C12orf76: variants seen among roughly 807,000 people sequenced by gnomAD.
C12orf76 encodes the protein uncharacterized protein C12orf76.
Under a neutral mutation model 6.8 loss-of-function variants are expected in C12orf76, and 6 were observed. The ratio of observed to expected loss-of-function variants is 0.88; its 90% confidence interval spans 0.48 to 1.73. C12orf76 has a LOEUF of 1.73. Among genes scored for constraint, C12orf76 ranks in the 40% most tolerant of loss-of-function variants. The pLI, the probability that C12orf76 is intolerant of heterozygous loss-of-function variation, is 0.01. For missense variants in C12orf76, 99 were observed against 98.2 expected, an observed-to-expected ratio of 1.01 and a Z score of -0.03; for synonymous variants, 56 against 43.7, an observed-to-expected ratio of 1.28 and a Z score of -1.11.
chr12:110,057,186 T>A (rs1892684380), intron 4 of C12orf76: 1 of 1,605,416 alleles, frequency 6.2e-7, no homozygotes, highest in Admixed American at 1.7e-5. Context: ...TTCGCAGACT[T>A]ACCTTGGCAT....
At chr12:110,068,579 G>A (rs1054388241), upstream of C12orf76, among the ~76,000 whole-genome samples, 1 of 152,190 alleles carries the variant, frequency 6.6e-6, no homozygotes, top group Non-Finnish European at 1.5e-5. Flanking sequence ...AACCTGCAAC[G>A]CTAACTCCTC....
chr12:110,070,009 G>A (rs1320493292), upstream of C12orf76, among the ~76,000 whole-genome samples: 7 of 152,126 alleles, frequency 4.6e-5, no homozygotes, highest in Non-Finnish European at 7.3e-5. Flanking sequence ...AGCACTTTGG[G>A]AGGCCAAGAT....
At chr12:110,043,709 G>A (rs1162882153) in intron 1 of C12orf76, among the ~76,000 whole-genome samples, 1 of 151,974 alleles carries the variant, frequency 6.6e-6, no homozygotes, top group Non-Finnish European at 1.5e-5. Flanking sequence ...AAAAAAATTA[G>A]CCAGGTGTGG....
intron 1 of C12orf76, among the ~76,000 whole-genome samples, chr12:110,046,380 C>T (rs747491744): frequency 3.3e-5 from 5 of 152,134 alleles, no homozygotes; most frequent in African/African-American, 7.2e-5. Flanking sequence ...GAGCTGAGAC[C>T]GCACCACTGC....
chr12:110,050,678 A>G (rs527352609), upstream of C12orf76: 2 of 353,426 alleles, frequency 5.7e-6, no homozygotes, highest in South Asian at 3.5e-5. Context: ...GGCATGAATA[A>G]TCCACCCCTC....
In C12orf76 at chr12:110,042,331, C is replaced by T. The variant is rs374404314; in HGVS notation, c.*43G>A. ...CTCCACTGGCCTGTGTGCAACACAA[C>T]TTATCCTATTCCCAAATACTCATTG... On this transcript the variant is annotated 3_prime_UTR_variant, in exon 2 of 2. Transcript: ENST00000615315. The T allele has an allele frequency of 2.3e-4, 354 of 1,552,630 alleles. No homozygotes were observed. The highest frequency in any genetic ancestry group is 2.9e-4 in the Non-Finnish European group (323 of 1,124,770).
At chr12:110,059,043 G>C in exon 3 of C12orf76, 1 of 1,551,668 alleles carries the variant, frequency 6.4e-7, no homozygotes, top group Non-Finnish European at 8.7e-7. Context: ...GCTTGTCCAA[G>C]GTCACATGGT....
upstream of C12orf76, chr12:110,051,202 A>G (rs760993822): frequency 1.3e-6 from 1 of 775,862 alleles, no homozygotes. Flanking sequence ...AATGGGAGGC[A>G]TAGCACAGTG....
upstream of C12orf76, among the ~76,000 whole-genome samples, chr12:110,069,236 C>G (rs985664630): frequency 2.6e-5 from 4 of 152,056 alleles, no homozygotes; most frequent in African/African-American, 9.7e-5. Flanking sequence ...GTCAGGAGAT[C>G]GTGACCATCC....
At chr12:110,071,899 C>A (rs981346175), upstream of C12orf76, among the ~76,000 whole-genome samples, 3 of 152,182 alleles carry the variant, frequency 2.0e-5, no homozygotes, top group Non-Finnish European at 2.9e-5. Context: ...AATTCAGCTC[C>A]ACAGTTCCTC....
chr12:110,053,183 T>A (rs1892611645), upstream of C12orf76, among the ~76,000 whole-genome samples: 1 of 140,076 alleles, frequency 7.1e-6, no homozygotes, highest in Admixed American at 7.3e-5. Context: ...AGAGCTAGAC[T>A]GTCTCAAAAA....
intron 2 of C12orf76, among the ~76,000 whole-genome samples, chr12:110,065,185 T>G (rs765565741): frequency 3.3e-5 from 5 of 151,840 alleles, no homozygotes. Flanking sequence ...CATTTTTTTT[T>G]TTTGAGACTG....
At chr12:110,058,901 A>G (rs1892721734) in intron 3 of C12orf76, 1 of 1,392,336 alleles carries the variant, frequency 7.2e-7, no homozygotes, top group Non-Finnish European at 9.5e-7. Flanking sequence ...TATTTTGCTG[A>G]CATATATTAA....
At chr12:110,063,602 T>TTATATTTA (rs1555253077) in intron 2 of C12orf76, among the ~76,000 whole-genome samples, 4 of 138,698 alleles carry the variant, frequency 2.9e-5, no homozygotes, top group African/African-American at 8.1e-5. Flanking sequence ...GGATTTTTAT[T>TTATATTTA]TTTATTTATT....
chr12:110,068,733 T>C (rs1167971584), upstream of C12orf76, among the ~76,000 whole-genome samples: 1 of 152,218 alleles, frequency 6.6e-6, no homozygotes, highest in Non-Finnish European at 1.5e-5. Context: ...TGTCTCCTTA[T>C]TCTGGCTCTT....
chr12:110,051,437 T>G, upstream of C12orf76: 1 of 604,852 alleles, frequency 1.7e-6, no homozygotes, highest in South Asian at 2.0e-5. Context: ...AATCTCATTT[T>G]TTTTTTTTAA....
At chr12:110,057,379 C>A in intron 3 of C12orf76, 2 of 854,862 alleles carry the variant, frequency 2.3e-6, no homozygotes, top group South Asian at 1.4e-5. Context: ...CATGACTAAC[C>A]CAGGGCCAAC....
intron 4 of C12orf76, among the ~76,000 whole-genome samples, chr12:110,055,733 G>A (rs578032097): frequency 6.6e-6 from 1 of 152,276 alleles, no homozygotes; most frequent in Non-Finnish European, 1.5e-5. Context: ...GGAAGCCAGT[G>A]TGCCAGGAGT....
intron 1 of C12orf76, among the ~76,000 whole-genome samples, chr12:110,067,231 G>A (rs1385264937): frequency 6.6e-5 from 10 of 152,222 alleles, no homozygotes; most frequent in African/African-American, 2.4e-4. Flanking sequence ...CAATAGCTTG[G>A]TGGTCACAGA....
Sources: allele counts gnomAD v4.1 joint callset (sites outside exome capture counted in the v4.1 genomes callset), GRCh38; gene constraint gnomAD v4.1.1; transcripts MANE v1.5; gene names NCBI Gene and HGNC (gene_info 2026-07-23, HGNC 2026-07-21).